The following SFSWAP variants were observed in gnomAD, a reference collection of about 807,000 sequenced individuals.
The protein encoded by SFSWAP is splicing factor, suppressor of white-apricot homolog.
SFSWAP carries 17 observed loss-of-function variants against 100.7 expected under a neutral mutation model. The ratio of observed to expected loss-of-function variants is 0.17; its 90% CI spans 0.12 to 0.25. The LOEUF (loss-of-function observed/expected upper bound fraction) is 0.25, where lower values mean the gene tolerates loss of function less well. SFSWAP is among the 10% of genes least tolerant of loss of function. The probability of loss-of-function intolerance (pLI) is 1.00; values close to 1 mark genes in which losing one functional copy is unlikely to be tolerated. For missense variants in SFSWAP, 1,005 were observed against 1,262.6 expected (o/e 0.80, Z 3.09); for synonymous variants, 504 against 510.1 (o/e 0.99, Z 0.16).
intron 13 of SFSWAP, among the ~76,000 whole-genome samples, chr12:131,770,378 C>G (rs1389078215): frequency 6.6e-6 from 1 of 152,202 alleles, no homozygotes; most frequent in Non-Finnish European, 1.5e-5. Context: ...CCGTGGCTAG[C>G]TCGGGCTGGC....
At chr12:131,749,455 C>G (rs1881421568) in intron 7 of SFSWAP, among the ~76,000 whole-genome samples, 1 of 152,188 alleles carries the variant, frequency 6.6e-6, no homozygotes, top group African/African-American at 2.4e-5. Context: ...CTGTTGTCAC[C>G]CTGTACTAGT....
chr12:131,797,232 G>A lies in SFSWAP; in HGVS notation c.2589G>A (p.Lys863=), dbSNP rs749949958. 5 of 1,612,366 alleles carry A rather than the reference G, an allele frequency of 3.1e-6. No homozygotes were observed. Among genetic ancestry groups the A allele is most frequent in the South Asian group, 2.2e-5 (2 of 91,080 alleles). Residue 863 remains lysine (K), a synonymous_variant, in exon 16 of 18, where the codon AAG becomes AAA. Coordinates refer to ENST00000261674, the MANE Select transcript of SFSWAP (RefSeq NM_004592.4). ...KRRSRSRTKS[K]ARSQSVSPSK... ...GGTCCCGGTCGCGGACCAAGTCCAA[G>A]GCCAGGTCTCAGTCGGTGTCACCCA...
chr12:131,718,072 G>T (rs1878100124), intron 3 of SFSWAP, among the ~76,000 whole-genome samples: 1 of 152,190 alleles, frequency 6.6e-6, no homozygotes, highest in Non-Finnish European at 1.5e-5. Context: ...TCTGATTTTT[G>T]AAAGAACAGG....
Position 131,711,126 on chromosome 12 carries a change from G to C in SFSWAP, c.-104G>C. The C allele has an allele frequency of 1.1e-6, 1 of 915,612 alleles. No homozygotes were observed. Among genetic ancestry groups the C allele is most frequent in the South Asian group, 1.7e-5 (1 of 57,716 alleles). The allele number at this position is 915,612 out of a possible 1,614,324, so 56.7% of individuals were successfully genotyped here. A position where few individuals can be genotyped will look rare whatever the true frequency, so the allele number is the denominator to read the frequency against. ...CGCTATGGCGGCGGTGTTGAGGTTG[G>C]GTACGGGATGCGGGGTCTTTGACTG... On this transcript the variant is annotated 5_prime_UTR_variant, in exon 1 of 18. Transcript: ENST00000261674. This position sits in a 1 kb window ranked among gnomAD's most constrained non-coding sequence, Gnocchi z 4.9.
chr12:131,718,816 A>C (rs547170216), intron 3 of SFSWAP, among the ~76,000 whole-genome samples: 2 of 152,336 alleles, frequency 1.3e-5, no homozygotes, highest in Admixed American at 6.5e-5. Flanking sequence ...AGCACCTGCT[A>C]AGTGTGGAGG....
rs544832202 is a variant in SFSWAP at position 131,744,534 on chromosome 12, T to C, written c.1082-8589T>C. Among the ~76,000 whole-genome samples the C allele has an allele frequency of 2.6e-5, 4 of 152,348 alleles. No homozygotes were observed. The South Asian group carries it at 8.3e-4, about 32-fold the overall frequency. On this transcript the variant is annotated intron_variant, in intron 7 of 17. Coordinates refer to ENST00000261674, the MANE Select transcript of SFSWAP (RefSeq NM_004592.4). ...ACCTCAGCCTGGACCTTATTGTTCC[T>C]GTCACTATCAGCATTTTGGGCAAAG...
At position 131,799,466 on chromosome 12, in the gene SFSWAP, A is replaced by C; in HGVS notation, c.2834A>C (p.Asn945Thr). The C allele has an allele frequency of 1.9e-6, 3 of 1,613,982 alleles. No individual in the cohort carries two copies. Among genetic ancestry groups the C allele is most frequent in the Non-Finnish European group, 2.5e-6 (3 of 1,179,948 alleles). ...KVRAMLAASK[N>T]LQTSAS ...AGAGCGATGCTTGCAGCTTCCAAAA[A>C]CCTGCAAACCAGCGCTTCCTGAGAC... Residue 945 changes from asparagine (N) to threonine (T), a missense_variant, in exon 18 of 18, where the codon AAC (asparagine) becomes ACC (threonine). By Grantham distance (65) the Asn-to-Thr change is moderately conservative. This residue lies in a region of SFSWAP where 295 missense variants were observed against 347.9 expected (regional missense o/e 0.85). Coordinates refer to ENST00000261674, the MANE Select transcript of SFSWAP (RefSeq NM_004592.4).
At chr12:131,785,075 TCA>T (rs1884788700) in intron 14 of SFSWAP, 4 of 1,533,892 alleles carry the variant, frequency 2.6e-6, no homozygotes, top group Middle Eastern at 1.7e-4. Context: ...TGTCACAGAG[TCA>T]CAGCCTCCCC....
chr12:131,736,006 A>G (rs1043338423), intron 7 of SFSWAP, among the ~76,000 whole-genome samples: 16 of 152,222 alleles, frequency 1.1e-4, no homozygotes, highest in African/African-American at 3.9e-4. Context: ...TTCTGAAGAG[A>G]CGCGCCTTCT....
intron 15 of SFSWAP, among the ~76,000 whole-genome samples, chr12:131,795,309 G>A (rs2136282077): frequency 6.6e-6 from 1 of 152,316 alleles, no homozygotes; most frequent in Middle Eastern, 3.4e-3. Flanking sequence ...CACAGGTCTG[G>A]CGCTGCTGCT....
At chr12:131,716,043 T>C (rs969939897) in intron 3 of SFSWAP, among the ~76,000 whole-genome samples, 2 of 152,174 alleles carry the variant, frequency 1.3e-5, no homozygotes, top group African/African-American at 2.4e-5. Context: ...TATAGCACTT[T>C]AGTAGTAAAG....
At chr12:131,780,515 C>G (rs575998877) in intron 14 of SFSWAP, among the ~76,000 whole-genome samples, 1 of 152,002 alleles carries the variant, frequency 6.6e-6, no homozygotes, top group Non-Finnish European at 1.5e-5. Context: ...ATTAGCCAGG[C>G]ATGGCAGTGG....
At chr12:131,779,101 T>C (rs753200411) in intron 14 of SFSWAP, among the ~76,000 whole-genome samples, 7 of 148,932 alleles carry the variant, frequency 4.7e-5, no homozygotes, top group Admixed American at 6.6e-5. Context: ...ACTCTGCACA[T>C]ACACTCACCG....
In SFSWAP at chr12:131,711,425, G is replaced by T; in HGVS notation, c.196G>T (p.Asp66Tyr). Residue 66 changes from aspartate (D) to tyrosine (Y), a missense_variant, in exon 1 of 18, where the codon GAC (aspartate) becomes TAC (tyrosine). Around this residue, in one of 7 missense-constraint regions of SFSWAP, gnomAD observed 237 missense variants for 337.0 expected, o/e 0.70. Transcript: ENST00000261674. The surrounding 1 kb of genome is among the most constrained non-coding windows in gnomAD (Gnocchi z 4.9). ...QGQHLIPWMG[D>Y]HKILIDRYDG... The stretch of plus-strand genomic sequence containing the variant: ...ACAGCACCTCATCCCCTGGATGGGG[G>T]ACCACAAGATCCTCATCGACAGGTC... 1 of 1,613,198 alleles carries T rather than the reference G, an allele frequency of 6.2e-7. No homozygotes were observed. The highest frequency in any genetic ancestry group is 1.1e-5 in the South Asian group (1 of 91,052).
intron 13 of SFSWAP, among the ~76,000 whole-genome samples, chr12:131,766,752 G>A (rs947475685): frequency 1.3e-5 from 2 of 152,254 alleles, no homozygotes; most frequent in Admixed American, 6.5e-5. Context: ...AGAGAAAAAG[G>A]AAGAGGGAGT....
intron 7 of SFSWAP, among the ~76,000 whole-genome samples, chr12:131,741,926 T>C (rs1199028693): frequency 6.6e-6 from 1 of 152,076 alleles, no homozygotes; most frequent in African/African-American, 2.4e-5. Context: ...TCTCATGCCG[T>C]CTGGTGCTCC....
Position 131,778,157 on chromosome 12 carries a change from C to T in SFSWAP, c.2235C>T (p.Ser745=). ...VKPPDRPSSK[S]KDPPREEEKE... is the part of the protein sequence containing the mutation. ...CACCCGATAGGCCTTCGAGCAAAAG[C>T]AAAGATCCACCGAGAGAAGAAGAGA... is the stretch of plus-strand genomic sequence containing the variant. Residue 745 remains serine, a synonymous_variant, in exon 14 of 18, where the codon AGC becomes AGT. Transcript: ENST00000261674. The surrounding 1 kb of genome is among the most constrained non-coding windows in gnomAD (Gnocchi z 4.2). 6.2e-7 allele frequency: 1 copy of T among 1,604,162 alleles called. No individual in the cohort carries two copies. Among genetic ancestry groups the T allele is most frequent in the South Asian group, 1.1e-5 (1 of 90,376 alleles).
intron 11 of SFSWAP, among the ~76,000 whole-genome samples, chr12:131,758,944 A>C (rs1244588857): frequency 6.6e-6 from 1 of 152,074 alleles, no homozygotes; most frequent in Admixed American, 6.6e-5. Flanking sequence ...TAAATTAGCC[A>C]GGCATGGTGG....
intron 11 of SFSWAP, chr12:131,757,986 G>A (rs1172929342): frequency 2.0e-5 from 3 of 152,432 alleles, no homozygotes; most frequent in East Asian, 3.8e-4. Flanking sequence ...ACTCAGGGCA[G>A]TGACTCCAGG....
Sources: gnomAD v4.1 joint callset for allele counts (sites outside exome capture counted in the v4.1 genomes callset) on GRCh38, gnomAD v4.1.1 for gene constraint, gnomAD v4.1.1 regional missense constraint, Gnocchi (gnomAD v3.1) non-coding constraint, MANE v1.5 for transcripts, NCBI Gene and HGNC (gene_info 2026-07-23, HGNC 2026-07-21) for gene names.